Variants in SLC35F4 observed in about 807,000 individuals in gnomAD.
SLC35F4 encodes the protein chromosome 14 open reading frame 36.
Under a neutral mutation model 44.2 loss-of-function variants are expected in SLC35F4, and 24 were observed. The ratio of observed to expected loss-of-function variants is 0.54; its 90% CI spans 0.39 to 0.76. The LOEUF (loss-of-function observed/expected upper bound fraction) is 0.76. SLC35F4 is among the 30% of genes least tolerant of loss of function. The pLI, the probability that SLC35F4 is intolerant of heterozygous loss-of-function variation, is 0.00. For synonymous variants in SLC35F4, 238 were observed against 223.6 expected (o/e 1.06, Z -0.57); for missense variants, 562 against 586.1 (o/e 0.96, Z 0.42).
At chr14:57,725,276 C>G (rs2076175251) in intron 1 of SLC35F4, among the ~76,000 whole-genome samples, 1 of 152,174 alleles carries the variant, frequency 6.6e-6, no homozygotes, top group Admixed American at 6.5e-5. Flanking sequence ...CTCACCAAGG[C>G]TGACCTGGCT....
At chr14:57,771,311 A>G (rs1206780194) in intron 1 of SLC35F4, among the ~76,000 whole-genome samples, 3 of 152,138 alleles carry the variant, frequency 2.0e-5, no homozygotes, top group African/African-American at 4.8e-5. Context: ...CTCATTTCTC[A>G]TGTGCAGTCT....
chr14:57,831,056 C>T (rs1282419317), intron 1 of SLC35F4, among the ~76,000 whole-genome samples: 1 of 152,164 alleles, frequency 6.6e-6, no homozygotes, highest in Non-Finnish European at 1.5e-5. Context: ...ATCATCTTCT[C>T]TCTCAACTCT....
chr14:57,975,083 C>T (rs1371133851), downstream of SLC35F4, among the ~76,000 whole-genome samples: 2 of 152,168 alleles, frequency 1.3e-5, no homozygotes, highest in Admixed American at 6.5e-5. Flanking sequence ...AACAATGATG[C>T]CATTTTAAAG....
At chr14:57,671,993 T>G (rs1171064134) in intron 1 of SLC35F4, among the ~76,000 whole-genome samples, 2 of 152,080 alleles carry the variant, frequency 1.3e-5, no homozygotes, top group East Asian at 3.9e-4. Flanking sequence ...CTCTTAAACT[T>G]GATTCCTTAC....
chr14:57,624,587 A>G (rs571972451), intron 1 of SLC35F4, among the ~76,000 whole-genome samples: 3 of 152,192 alleles, frequency 2.0e-5, no homozygotes, highest in Non-Finnish European at 4.4e-5. Flanking sequence ...CCAGCAGCAC[A>G]TCAAAAAGTT....
At chr14:57,809,715 T>C (rs1881746947) in intron 1 of SLC35F4, among the ~76,000 whole-genome samples, 1 of 152,214 alleles carries the variant, frequency 6.6e-6, no homozygotes, top group South Asian at 2.1e-4. Context: ...AAAATGACCA[T>C]TATTTGGTAA....
At chr14:57,664,471 C>A (rs148856558) in intron 1 of SLC35F4, among the ~76,000 whole-genome samples, 53 of 152,196 alleles carry the variant, frequency 3.5e-4, no homozygotes, top group African/African-American at 1.1e-3. Flanking sequence ...TACATTGGCA[C>A]GATCTCGGCT....
chr14:57,565,141 A>G (rs2068141333), intron 7 of SLC35F4, among the ~76,000 whole-genome samples: 1 of 152,210 alleles, frequency 6.6e-6, no homozygotes, highest in Non-Finnish European at 1.5e-5. Flanking sequence ...CTCCTGATTC[A>G]CATTTAGGCT....
At chr14:57,746,311 A>G (rs2076752924) in intron 1 of SLC35F4, among the ~76,000 whole-genome samples, 1 of 152,144 alleles carries the variant, frequency 6.6e-6, no homozygotes, top group African/African-American at 2.4e-5. Flanking sequence ...GAGAAAGTTA[A>G]TCAGGTTGAT....
chr14:57,683,601 T>C (rs1023981897), intron 1 of SLC35F4, among the ~76,000 whole-genome samples: 1 of 152,208 alleles, frequency 6.6e-6, no homozygotes, highest in Non-Finnish European at 1.5e-5. Flanking sequence ...ATCTCCTCCC[T>C]TTCCTGCAAA....
Position 57,866,011 on chromosome 14 carries a change from GC to G in SLC35F4, c.-187del. The stretch of plus-strand genomic sequence containing the variant: ...CACAGCGGCGGCGGCGGCGGCGGCG[GC>G]GGAGCGGCCCCCACTCGGGCCGGCC... On this transcript the variant is annotated 5_prime_UTR_variant, in exon 1 of 8. Coordinates refer to ENST00000556826, the MANE Select transcript of SLC35F4 (RefSeq NM_001306087.2). 1 of 349,086 alleles carries G rather than the reference GC, an allele frequency of 2.9e-6. No homozygotes were observed. Among genetic ancestry groups the G allele is most frequent in the Non-Finnish European group, 5.0e-6 (1 of 200,110 alleles). 21.6% of individuals were successfully genotyped at this position (349,086 alleles called of 1,614,324 possible).
At chr14:57,581,123 C>A (rs142908765) in intron 4 of SLC35F4, 91 bp downstream of exon 4, 13,779 of 1,313,180 alleles carry the variant, frequency 0.01, 120 homozygotes, top group East Asian at 0.045. Flanking sequence ...AGTTTTACAG[C>A]AACTCCACGA....
chr14:57,918,846 A>G (rs1175695892), intron 1 of SLC35F4, among the ~76,000 whole-genome samples: 1 of 152,184 alleles, frequency 6.6e-6, no homozygotes, highest in African/African-American at 2.4e-5. Context: ...GAGTGAGTCA[A>G]TTAGGAGATG....
chr14:57,773,373 G>A (rs1052806119), intron 1 of SLC35F4, among the ~76,000 whole-genome samples: 1 of 152,154 alleles, frequency 6.6e-6, no homozygotes, highest in African/African-American at 2.4e-5. Context: ...TTATGAATGA[G>A]GCAAATAGCA....
chr14:57,675,397 G>A (rs918717190), intron 1 of SLC35F4, among the ~76,000 whole-genome samples: 3 of 152,038 alleles, frequency 2.0e-5, no homozygotes, highest in African/African-American at 7.3e-5. Context: ...TTGAAAAAGG[G>A]ATGAGCATTT....
At chr14:57,897,572 T>C (rs1432114287) in intron 1 of SLC35F4, among the ~76,000 whole-genome samples, 1 of 151,962 alleles carries the variant, frequency 6.6e-6, no homozygotes, top group Admixed American at 6.6e-5. Context: ...AGATCAGTGA[T>C]GCACGATCCA....
In SLC35F4 at chr14:57,703,942, T is replaced by G. The variant is rs1422750084; in HGVS notation, c.104-109818A>C. ...TCTGGAAAATGAACCTCTGGGATGATGCAGTGAGCCACAGAACTCCAAAGA... is the reference window on the plus strand; with the variant it reads ...TCTGGAAAATGAACCTCTGGGATGAGGCAGTGAGCCACAGAACTCCAAAGA... On this transcript the variant is annotated intron_variant, in intron 1 of 7. Transcript: ENST00000556826. Among the ~76,000 whole-genome samples the G allele has an allele frequency of 2.0e-5, 3 of 152,146 alleles. 1 individual carries two copies. Among genetic ancestry groups the G allele is most frequent in the Non-Finnish European group, 4.4e-5 (3 of 68,034 alleles).
chr14:57,931,658 C>G (rs1360225571), intron 1 of SLC35F4, among the ~76,000 whole-genome samples: 1 of 152,218 alleles, frequency 6.6e-6, no homozygotes, highest in Non-Finnish European at 1.5e-5. Flanking sequence ...AACATTAGAT[C>G]ATGTCATCTT....
intron 1 of SLC35F4, among the ~76,000 whole-genome samples, chr14:57,937,005 T>TA (rs1203396976): frequency 1.3e-5 from 2 of 151,530 alleles, no homozygotes; most frequent in Non-Finnish European, 2.9e-5. Flanking sequence ...ATGTTACATT[T>TA]AAAAAATTGA....
Sources: allele counts gnomAD v4.1 joint callset (sites outside exome capture counted in the v4.1 genomes callset), GRCh38; gene constraint gnomAD v4.1.1; transcripts MANE v1.5; gene names NCBI Gene and HGNC (gene_info 2026-07-23, HGNC 2026-07-21).